The following ST6GAL1 variants were observed in gnomAD, a reference collection of about 807,000 sequenced individuals.
ST6GAL1 encodes beta-galactoside alpha-2,6-sialyltransferase 1.
A neutral mutation model predicts 38.0 loss-of-function variants in ST6GAL1; 20 were observed. The ratio of observed to expected loss-of-function variants is 0.53; its 90% CI spans 0.37 to 0.77. The LOEUF is 0.77. Among genes scored for constraint, ST6GAL1 ranks in the 30% least tolerant of loss-of-function variants. The pLI is 0.00. For missense variants in ST6GAL1, 432 were observed against 496.4 expected, an observed-to-expected ratio of 0.87 and a Z score of 1.23; for synonymous variants, 196 against 188.2, an observed-to-expected ratio of 1.04 and a Z score of -0.34.
intron 2 of ST6GAL1, among the ~76,000 whole-genome samples, chr3:186,991,567 C>G (rs1483270912): frequency 6.6e-6 from 1 of 152,134 alleles, no homozygotes; most frequent in African/African-American, 2.4e-5. Flanking sequence ...TGGTTCCTCC[C>G]TGGATGGACT....
intron 2 of ST6GAL1, chr3:187,024,997 G>GTGTGTA (rs1426978841): frequency 6.7e-6 from 1 of 149,152 alleles, no homozygotes; most frequent in Non-Finnish European, 1.5e-5. Context: ...GCGTGTGTGT[G>GTGTGTA]TGTGTGTGTG....
chr3:187,074,107 G>T, intron 6 of ST6GAL1, 52 bp from the exon 7 acceptor site: 1 of 1,508,306 alleles, frequency 6.6e-7, no homozygotes, highest in Non-Finnish European at 8.9e-7. Flanking sequence ...CCTGGGGGGA[G>T]CAGCTCACTG....
intron 2 of ST6GAL1, among the ~76,000 whole-genome samples, chr3:186,983,850 G>A (rs927646306): frequency 6.6e-6 from 1 of 152,130 alleles, no homozygotes; most frequent in Non-Finnish European, 1.5e-5. Flanking sequence ...GCAGCTGGGT[G>A]GAGAAAAATT....
chr3:187,034,390 C>T lies in ST6GAL1; in HGVS notation c.-182-4352C>T, dbSNP rs371944287. Among the ~76,000 whole-genome samples, 28 of 152,282 alleles carry T rather than the reference C, an allele frequency of 1.8e-4. No homozygotes were observed. In the East Asian group the frequency reaches 4.8e-3, roughly 26 times the overall value. Reference sequence around the variant, plus strand: ...AAAAAAGTGAGGCAGACAGATCCCTCTCTAACTCATTCTATGAAGCCAGCA... The same window carrying T: ...AAAAAAGTGAGGCAGACAGATCCCTTTCTAACTCATTCTATGAAGCCAGCA... On this transcript the variant is annotated intron_variant, in intron 2 of 7. Coordinates refer to ENST00000169298, the MANE Select transcript of ST6GAL1 (RefSeq NM_173216.2).
intron 3 of ST6GAL1, among the ~76,000 whole-genome samples, chr3:187,040,611 A>G (rs1402125502): frequency 6.6e-6 from 1 of 152,234 alleles, no homozygotes; most frequent in Non-Finnish European, 1.5e-5. Flanking sequence ...AGATATTGCA[A>G]GGAAAGTGAC....
chr3:187,064,723 G>T, intron 5 of ST6GAL1: 1 of 428,122 alleles, frequency 2.3e-6, no homozygotes, highest in Admixed American at 2.6e-5. Flanking sequence ...TGGTGGTACT[G>T]AACTGTGATG....
chr3:187,039,484 G>A (rs1472622511), intron 3 of ST6GAL1, among the ~76,000 whole-genome samples: 3 of 152,206 alleles, frequency 2.0e-5, no homozygotes, highest in Non-Finnish European at 2.9e-5. Context: ...GCAAAGGGGA[G>A]CAGGGATAGT....
At chr3:187,029,350 A>G (rs903671024) in intron 2 of ST6GAL1, among the ~76,000 whole-genome samples, 1 of 152,222 alleles carries the variant, frequency 6.6e-6, no homozygotes, top group African/African-American at 2.4e-5. Flanking sequence ...TAAGTAAACA[A>G]TAATGTGTAG....
chr3:187,025,147 G>C (rs184105603), intron 2 of ST6GAL1, among the ~76,000 whole-genome samples: 1 of 151,964 alleles, frequency 6.6e-6, no homozygotes. Context: ...TAGTTGATGC[G>C]TTGCATACAA....
chr3:187,071,776 CAAAAAAA>C (rs11330261), intron 5 of ST6GAL1, among the ~76,000 whole-genome samples: 5 of 72,342 alleles, frequency 6.9e-5, no homozygotes, highest in Admixed American at 3.3e-4. Flanking sequence ...GACTCCGCCT[CAAAAAAA>C]AAAAAAAAAA....
At chr3:186,936,203 A>G (rs1286872945) in intron 1 of ST6GAL1, among the ~76,000 whole-genome samples, 1 of 152,226 alleles carries the variant, frequency 6.6e-6, no homozygotes, top group Non-Finnish European at 1.5e-5. Context: ...AATAAAGGGA[A>G]GAGCAGGTGG....
At chr3:187,036,533 T>C (rs1717936865) in intron 2 of ST6GAL1, among the ~76,000 whole-genome samples, 1 of 151,954 alleles carries the variant, frequency 6.6e-6, no homozygotes. Flanking sequence ...ATAAAGAAAA[T>C]ATGGTACATA....
intron 2 of ST6GAL1, among the ~76,000 whole-genome samples, chr3:187,032,539 G>C (rs1433088446): frequency 6.6e-6 from 1 of 152,170 alleles, no homozygotes; most frequent in African/African-American, 2.4e-5. Flanking sequence ...AGTGTCTAGA[G>C]ATACTCCCTG....
intron 4 of ST6GAL1, among the ~76,000 whole-genome samples, chr3:187,045,290 C>CTTTT: frequency 6.8e-6 from 1 of 146,948 alleles, no homozygotes; most frequent in African/African-American, 2.5e-5. Flanking sequence ...CATTTTATGA[C>CTTTT]TTTTTTTTTT....
intron 2 of ST6GAL1, among the ~76,000 whole-genome samples, chr3:187,018,020 G>A (rs907139512): frequency 1.3e-5 from 2 of 152,066 alleles, no homozygotes; most frequent in African/African-American, 4.8e-5. Flanking sequence ...TGAGAATTCC[G>A]GGCAGCCTGA....
In ST6GAL1 at chr3:187,043,186, T is replaced by A; in HGVS notation, c.483T>A (p.Asn161Lys). The change falls in exon 4 of 8, where the codon AAT (asparagine) becomes AAA (lysine). Residue 161 changes from asparagine to lysine, a missense_variant. By Grantham distance (94) the Asn-to-Lys change is moderately conservative. Coordinates refer to ENST00000169298, the MANE Select transcript of ST6GAL1 (RefSeq NM_173216.2). ...SMVEVTDFPFNTSEWEGYLPK... is the reference protein window; with the variant it reads ...SMVEVTDFPFKTSEWEGYLPK... ...TAGAGGTCACAGATTTTCCCTTCAATACCTCTGAATGGGAGGGTTATCTGC... is the reference window on the plus strand; with the variant it reads ...TAGAGGTCACAGATTTTCCCTTCAAAACCTCTGAATGGGAGGGTTATCTGC... 6.8e-6 allele frequency: 11 copies of A among 1,614,220 alleles called. No individual in the cohort carries two copies. The highest frequency in any genetic ancestry group is 9.3e-6 in the Non-Finnish European group (11 of 1,180,026).
chr3:187,006,575 CACTT>C (rs1480344453), intron 2 of ST6GAL1: 1 of 152,100 alleles, frequency 6.6e-6, no homozygotes, highest in Non-Finnish European at 1.5e-5. Flanking sequence ...ACTATTAACT[CACTT>C]AATCTTCATA....
chr3:186,962,503 T>C (rs1486909442), intron 1 of ST6GAL1, among the ~76,000 whole-genome samples: 2 of 151,946 alleles, frequency 1.3e-5, no homozygotes, highest in African/African-American at 4.8e-5. Context: ...TGAACGAGGA[T>C]ATGTGGGTGA....
chr3:187,048,807 T>C (rs1283860216), intron 4 of ST6GAL1, among the ~76,000 whole-genome samples: 1 of 152,010 alleles, frequency 6.6e-6, no homozygotes, highest in African/African-American at 2.4e-5. Context: ...CCTTCTGTGC[T>C]GGATGTTCTC....
Sources: allele counts gnomAD v4.1 joint callset (sites outside exome capture counted in the v4.1 genomes callset), GRCh38; gene constraint gnomAD v4.1.1; transcripts MANE v1.5; gene names NCBI Gene and HGNC (gene_info 2026-07-23, HGNC 2026-07-21).